MACROD2: variants seen among roughly 807,000 people sequenced by gnomAD.
The protein encoded by MACROD2 is ADP-ribose glycohydrolase MACROD2.
A neutral mutation model predicts 70.4 loss-of-function variants in MACROD2; 36 were observed. That is an observed-to-expected ratio of 0.51 (90% CI 0.39 to 0.68). The LOEUF (loss-of-function observed/expected upper bound fraction) is 0.68. Among genes scored for constraint, MACROD2 ranks in the 30% least tolerant of loss-of-function variants. The probability of loss-of-function intolerance (pLI) is 0.00; values close to 1 mark genes in which losing one functional copy is unlikely to be tolerated. For missense variants in MACROD2, 496 were observed against 538.4 expected, an observed-to-expected ratio of 0.92 and a Z score of 0.78; for synonymous variants, 172 against 178.8, an observed-to-expected ratio of 0.96 and a Z score of 0.30.
At chr20:14,316,620 G>A (rs2122534066) in intron 3 of MACROD2, among the ~76,000 whole-genome samples, 1 of 152,174 alleles carries the variant, frequency 6.6e-6, no homozygotes, top group East Asian at 1.9e-4. Flanking sequence ...TATTTTATAT[G>A]TGGCTCAAGA....
chr20:15,319,692 G>A (rs975999333), intron 6 of MACROD2, among the ~76,000 whole-genome samples: 1 of 152,142 alleles, frequency 6.6e-6, no homozygotes, highest in African/African-American at 2.4e-5. Context: ...CATGTGCATT[G>A]AAGCACTACG....
At chr20:16,013,606 C>T (rs1917305331) in intron 15 of MACROD2, among the ~76,000 whole-genome samples, 2 of 152,202 alleles carry the variant, frequency 1.3e-5, no homozygotes, top group South Asian at 4.1e-4. Flanking sequence ...GTTAAATGCC[C>T]AGGTGACAGT....
At chr20:15,209,237 C>G (rs2076740057) in intron 5 of MACROD2, among the ~76,000 whole-genome samples, 1 of 151,990 alleles carries the variant, frequency 6.6e-6, no homozygotes, top group Non-Finnish European at 1.5e-5. Flanking sequence ...ACCCAGAAAA[C>G]TCATCACCGT....
intron 3 of MACROD2, among the ~76,000 whole-genome samples, chr20:14,382,108 C>T (rs113662958): frequency 7.0e-6 from 1 of 142,216 alleles, no homozygotes; most frequent in Non-Finnish European, 1.5e-5. Context: ...GTCGCCCAAG[C>T]TGGAGTGCAG....
intron 5 of MACROD2, among the ~76,000 whole-genome samples, chr20:15,160,154 T>C (rs1034000308): frequency 3.9e-5 from 6 of 151,906 alleles, no homozygotes; most frequent in African/African-American, 1.4e-4. Flanking sequence ...CCAGGGTGTG[T>C]TGAAGGTGGT....
intron 8 of MACROD2, among the ~76,000 whole-genome samples, chr20:15,660,628 G>A (rs1171806318): frequency 6.6e-6 from 1 of 152,030 alleles, no homozygotes; most frequent in East Asian, 1.9e-4. Flanking sequence ...TTAACATACT[G>A]ATTGAGCCTC....
intron 3 of MACROD2, among the ~76,000 whole-genome samples, chr20:14,141,843 CTT>C (rs1171185500): frequency 6.9e-6 from 1 of 145,642 alleles, no homozygotes; most frequent in Non-Finnish European, 1.5e-5. Flanking sequence ...TACCTTATAA[CTT>C]TTATTATTCT....
rs569104602 is a variant in MACROD2 at position 14,448,132 on chromosome 20, C to G, written c.272-45347C>G. Reference sequence around the variant, plus strand: ...ACTTTGCAGCCCGTCTTTCCCACATCTCTCTTTCATTTAGACCCTAGAGAG... The same window carrying G: ...ACTTTGCAGCCCGTCTTTCCCACATGTCTCTTTCATTTAGACCCTAGAGAG... On this transcript the variant is annotated intron_variant, in intron 3 of 17. Transcript: ENST00000684519. Among the ~76,000 whole-genome samples the G allele has an allele frequency of 5.3e-5, 8 of 152,006 alleles. No homozygotes were observed. The South Asian group carries it at 8.3e-4, about 16-fold the overall frequency.
intron 4 of MACROD2, among the ~76,000 whole-genome samples, chr20:14,502,387 C>T (rs2084924184): frequency 6.6e-6 from 1 of 152,300 alleles, no homozygotes; most frequent in Non-Finnish European, 1.5e-5. Context: ...CTCCAGGGTC[C>T]TGTCACAGGC....
intron 12 of MACROD2, among the ~76,000 whole-genome samples, chr20:15,954,551 A>T (rs773901408): frequency 2.0e-5 from 3 of 152,264 alleles, no homozygotes; most frequent in Middle Eastern, 3.4e-3. Flanking sequence ...GACAGTATTT[A>T]TGTTGTCCAC....
chr20:14,304,429 A>T (rs2082502476), intron 3 of MACROD2, among the ~76,000 whole-genome samples: 1 of 152,186 alleles, frequency 6.6e-6, no homozygotes, highest in South Asian at 2.1e-4. Context: ...AAGAAGTCTA[A>T]GATTGCCTTA....
chr20:15,099,034 G>T (rs1285205559), intron 5 of MACROD2, among the ~76,000 whole-genome samples: 2 of 152,204 alleles, frequency 1.3e-5, no homozygotes, highest in African/African-American at 2.4e-5. Context: ...AGAATATCCT[G>T]CCTGTACTTT....
At chr20:16,017,160 T>C (rs1436316984) in intron 15 of MACROD2, among the ~76,000 whole-genome samples, 4 of 152,340 alleles carry the variant, frequency 2.6e-5, no homozygotes, top group East Asian at 3.9e-4. Flanking sequence ...TTTTCTGATA[T>C]CAATTTCCTT....
intron 2 of MACROD2, among the ~76,000 whole-genome samples, chr20:14,019,383 T>A (rs1425330430): frequency 1.3e-5 from 2 of 152,178 alleles, no homozygotes; most frequent in Non-Finnish European, 2.9e-5. Flanking sequence ...GCGTTTCTCC[T>A]GTCTCAGCCT....
chr20:16,025,267 T>C (rs1202137912), intron 15 of MACROD2, among the ~76,000 whole-genome samples: 1 of 152,136 alleles, frequency 6.6e-6, no homozygotes, highest in Non-Finnish European at 1.5e-5. Context: ...GAGGTGCTGT[T>C]TTCACACAGA....
intron 13 of MACROD2, among the ~76,000 whole-genome samples, chr20:15,974,529 T>G (rs940796591): frequency 1.6e-4 from 24 of 152,086 alleles, no homozygotes; most frequent in African/African-American, 5.8e-4. Flanking sequence ...TGGGGAGGGA[T>G]GAATAGGAGG....
intron 5 of MACROD2, among the ~76,000 whole-genome samples, chr20:15,099,379 C>G (rs1197095406): frequency 1.3e-5 from 2 of 151,986 alleles, no homozygotes; most frequent in Non-Finnish European, 2.9e-5. Context: ...AAGAGTAAAA[C>G]AAGAAAAAAA....
rs200407230 is a variant in MACROD2 at position 14,822,587 on chromosome 20, TG to T, written c.418+137630del. Among the ~76,000 whole-genome samples the T allele has an allele frequency of 4.4e-4, 67 of 152,226 alleles. No homozygotes were observed. In the East Asian group the frequency reaches 0.012, roughly 26 times the overall value. ...AAACAATTGAACTTTGGCTATTTCC[TG>T]GTAGGTTTAACTTTCATTTAAGTGA... is the stretch of plus-strand genomic sequence containing the variant. On this transcript the variant is annotated intron_variant, in intron 5 of 17. Coordinates refer to ENST00000684519, the MANE Select transcript of MACROD2 (RefSeq NM_001351661.2).
intron 10 of MACROD2, among the ~76,000 whole-genome samples, chr20:15,890,816 G>C (rs1351025816): frequency 1.3e-5 from 2 of 152,046 alleles, no homozygotes; most frequent in Non-Finnish European, 2.9e-5. Flanking sequence ...TGTAATTTTA[G>C]AATCCTGGCA....
Sources: gnomAD v4.1 joint callset for allele counts (sites outside exome capture counted in the v4.1 genomes callset) on GRCh38, gnomAD v4.1.1 for gene constraint, MANE v1.5 for transcripts, NCBI Gene and HGNC (gene_info 2026-07-23, HGNC 2026-07-21) for gene names.